Variants in BBX observed in about 807,000 individuals in gnomAD.
BBX encodes the protein BBX high mobility group box domain containing.
In BBX, 30 loss-of-function variants were observed where a neutral mutation model predicts 100.2. That is an observed-to-expected ratio of 0.30 (90% CI 0.22 to 0.41). The LOEUF is 0.41. Among genes scored for constraint, BBX ranks in the 10% least tolerant of loss-of-function variants. The pLI is 1.00. For synonymous variants in BBX, 376 were observed against 388.1 expected (o/e 0.97, Z 0.37); for missense variants, 1,023 against 1,129.8 (o/e 0.91, Z 1.35).
intron 2 of BBX, among the ~76,000 whole-genome samples, chr3:107,625,405 G>A (rs1559888473): frequency 6.6e-6 from 1 of 152,160 alleles, no homozygotes; most frequent in Non-Finnish European, 1.5e-5. Context: ...AGCCACCTGA[G>A]TAGCTGGCAT....
At chr3:107,550,687 G>A (rs984724941) in intron 2 of BBX, among the ~76,000 whole-genome samples, 5 of 152,128 alleles carry the variant, frequency 3.3e-5, no homozygotes. Flanking sequence ...TCCTGGGGAG[G>A]TCATAGTTGC....
intron 7 of BBX, among the ~76,000 whole-genome samples, chr3:107,735,801 TTC>T (rs1277971499): frequency 6.6e-6 from 1 of 152,044 alleles, no homozygotes; most frequent in African/African-American, 2.4e-5. Context: ...ATGTTGTGTA[TTC>T]TCTTTTTTTC....
chr3:107,654,134 C>T (rs539014026), intron 3 of BBX, among the ~76,000 whole-genome samples: 12 of 152,252 alleles, frequency 7.9e-5, no homozygotes, highest in Non-Finnish European at 1.8e-4. Flanking sequence ...CCCTTAAATA[C>T]CAAACCTCTT....
intron 2 of BBX, among the ~76,000 whole-genome samples, chr3:107,616,373 C>T (rs946010784): frequency 4.6e-5 from 7 of 152,054 alleles, no homozygotes; most frequent in African/African-American, 1.7e-4. Context: ...GCCTGTAATA[C>T]AGAGAGATCC....
intron 7 of BBX, among the ~76,000 whole-genome samples, chr3:107,740,539 T>G (rs1194270236): frequency 6.6e-6 from 1 of 152,068 alleles, no homozygotes; most frequent in African/African-American, 2.4e-5. Context: ...ATTACCTGAC[T>G]ACACATCTCT....
At chr3:107,665,848 T>C (rs2058713479) in intron 3 of BBX, among the ~76,000 whole-genome samples, 2 of 152,200 alleles carry the variant, frequency 1.3e-5, no homozygotes, top group African/African-American at 4.8e-5. Context: ...TTCTTTCTGT[T>C]GGGCTTTTCC....
chr3:107,597,837 G>GGTTTTGTTTT (rs71299353), intron 2 of BBX, among the ~76,000 whole-genome samples: 3 of 152,002 alleles, frequency 2.0e-5, no homozygotes, highest in Non-Finnish European at 2.9e-5. Context: ...CCTGCCCAGA[G>GGTTTTGTTTT]GTTTTGTTTT....
intron 2 of BBX, among the ~76,000 whole-genome samples, 157 bp from the exon 3 acceptor site, chr3:107,645,679 C>T (rs991976988): frequency 1.4e-4 from 21 of 152,206 alleles, no homozygotes; most frequent in African/African-American, 4.8e-4. Context: ...CTTTCTCTAA[C>T]TAGCATTGGC....
chr3:107,675,337 C>A (rs114314374), intron 3 of BBX, among the ~76,000 whole-genome samples: 1 of 152,224 alleles, frequency 6.6e-6, no homozygotes, highest in African/African-American at 2.4e-5. Flanking sequence ...TGAGCACCTG[C>A]GGAGGAAATC....
chr3:107,773,676 A>C lies in BBX; in HGVS notation c.1915+40A>C, dbSNP rs563703325. 2.4e-5 allele frequency: 37 copies of C among 1,545,332 alleles called. No homozygotes were observed. The African/African-American group carries it at 5.0e-4, about 21-fold the overall frequency. ...CAAACCTGAAAAGAATTCAAAAACC[A>C]AACAGAATTTCACCTTTAGACCTAT... On this transcript the variant is annotated intron_variant, in intron 11 of 17. Coordinates refer to ENST00000325805, the MANE Select transcript of BBX (RefSeq NM_001142568.3). This position sits in a 1 kb window ranked among gnomAD's most constrained non-coding sequence, Gnocchi z 4.1.
At chr3:107,761,792 C>G (rs2107708687) in intron 10 of BBX, among the ~76,000 whole-genome samples, 1 of 152,310 alleles carries the variant, frequency 6.6e-6, no homozygotes, top group East Asian at 1.9e-4. Flanking sequence ...CAGAGACCTG[C>G]ATTCCTGAGA....
At chr3:107,743,918 G>GTTTTTTTTTTTTTTT (rs34762783) in intron 7 of BBX, among the ~76,000 whole-genome samples, 2 of 56,622 alleles carry the variant, frequency 3.5e-5, no homozygotes, top group East Asian at 7.9e-4. Context: ...TGTTTTAGTG[G>GTTTTTTTTTTTTTTT]TTTTTTTTTT....
chr3:107,756,894 G>A (rs1439582698), intron 10 of BBX, among the ~76,000 whole-genome samples: 1 of 152,100 alleles, frequency 6.6e-6, no homozygotes, highest in African/African-American at 2.4e-5. Context: ...GTGAAGATCT[G>A]ACAAGAGAGT....
intron 2 of BBX, among the ~76,000 whole-genome samples, chr3:107,539,063 T>C (rs984034504): frequency 6.6e-6 from 1 of 152,186 alleles, no homozygotes; most frequent in Non-Finnish European, 1.5e-5. Flanking sequence ...GTGCTGAGAT[T>C]ACAGGTGTGA....
chr3:107,791,574 A>G (rs374965452), intron 15 of BBX, among the ~76,000 whole-genome samples: 8 of 152,196 alleles, frequency 5.3e-5, no homozygotes, highest in Non-Finnish European at 1.0e-4. Flanking sequence ...TCATAGCTAA[A>G]TGTATTCAGC....
chr3:107,563,952 G>A (rs550016931), intron 2 of BBX, among the ~76,000 whole-genome samples: 2 of 152,290 alleles, frequency 1.3e-5, no homozygotes, highest in South Asian at 4.1e-4. Context: ...TCACTTAGGT[G>A]TGTATTCTTC....
rs555908130 is a variant in BBX, at chr3:107,730,065, C to T, written c.601+1105C>T. Among the ~76,000 whole-genome samples, 10 of 152,036 alleles carry T rather than the reference C, an allele frequency of 6.6e-5. No individual in the cohort carries two copies. In the South Asian group the frequency reaches 1.7e-3, roughly 25 times the overall value. On this transcript the variant is annotated intron_variant, in intron 6 of 17. Transcript: ENST00000325805. ...CCTCACGACTGCACTCCATCCTGGG[C>T]GACAGAGCAACACCCTGCCTCTAAA...
intron 2 of BBX, among the ~76,000 whole-genome samples, chr3:107,590,440 A>G (rs2053221998): frequency 6.6e-6 from 1 of 152,196 alleles, no homozygotes; most frequent in African/African-American, 2.4e-5. Flanking sequence ...GTTGATAAGT[A>G]TAGTCACCCT....
rs951696315 is a variant in BBX, at chr3:107,539,340, A to G, written c.-84+12942A>G. Among the ~76,000 whole-genome samples, 18 of 152,318 alleles carry G rather than the reference A, an allele frequency of 1.2e-4. No individual in the cohort carries two copies. In the East Asian group the frequency reaches 1.7e-3, roughly 15 times the overall value. ...ATATACCAAATGTGAAATAGAAGGT[A>G]AACATGCCATAATATCCATGTGTTG... is the stretch of plus-strand genomic sequence containing the variant. On this transcript the variant is annotated intron_variant, in intron 2 of 17. Coordinates refer to ENST00000325805, the MANE Select transcript of BBX (RefSeq NM_001142568.3).
Sources: gnomAD v4.1 joint callset for allele counts (sites outside exome capture counted in the v4.1 genomes callset) on GRCh38, gnomAD v4.1.1 for gene constraint, Gnocchi (gnomAD v3.1) non-coding constraint, MANE v1.5 for transcripts, NCBI Gene and HGNC (gene_info 2026-07-23, HGNC 2026-07-21) for gene names.